The following DDX24 variants were observed in gnomAD, a reference collection of about 807,000 sequenced individuals.
DDX24 encodes the protein ATP-dependent RNA helicase DDX24.
In DDX24, 24 loss-of-function variants were observed where a neutral mutation model predicts 68.9. The ratio of observed to expected loss-of-function variants is 0.35; its 90% CI spans 0.25 to 0.49. The LOEUF is 0.49. Ranked by LOEUF, DDX24 falls within the 20% of genes least tolerant of loss-of-function variation. The probability of loss-of-function intolerance (pLI) is 0.99; values close to 1 mark genes in which losing one functional copy is unlikely to be tolerated. For missense variants in DDX24, 989 were observed against 1,039.0 expected, an observed-to-expected ratio of 0.95 and a Z score of 0.66; for synonymous variants, 395 against 385.2, an observed-to-expected ratio of 1.03 and a Z score of -0.30.
intron 6 of DDX24, chr14:94,056,980 A>T (rs1226438876): frequency 6.6e-6 from 1 of 152,192 alleles, no homozygotes; most frequent in African/African-American, 2.4e-5. Flanking sequence ...AGAGGAATTA[A>T]AGAGGAAAAA....
In DDX24 at chr14:94,079,450, T is replaced by C. The variant is rs749273234; in HGVS notation, c.293A>G (p.Lys98Arg). The C allele has an allele frequency of 8.1e-6, 13 of 1,613,932 alleles. No individual in the cohort carries two copies. Among genetic ancestry groups the C allele is most frequent in the African/African-American group, 2.7e-5 (2 of 74,902 alleles). ...EEGKSSSPKK[K>R]IKLKKSKNVA... is the part of the protein sequence containing the mutation. The stretch of plus-strand genomic sequence containing the variant: ...ATTTTTACTTTTCTTCAACTTGATC[T>C]TTTTCTTTGGTGAGCTAGACTTTCC... Residue 98 changes from lysine to arginine, a missense_variant, in exon 2 of 9, where the codon AAG becomes AGG. Lys to Arg is a conservative substitution (Grantham distance 26). Around this residue, in one of 3 missense-constraint regions of DDX24, gnomAD observed 295 missense variants for 263.0 expected, o/e 1.12. Transcript: ENST00000621632.
intron 2 of DDX24, among the ~76,000 whole-genome samples, chr14:94,073,027 C>T (rs1164817909): frequency 6.6e-6 from 1 of 150,948 alleles, no homozygotes; most frequent in African/African-American, 2.4e-5. Context: ...TAAGTAAACC[C>T]ACCATTATCA....
Position 94,062,332 on chromosome 14 carries a change from A to C in DDX24, c.1008T>G (p.Asp336Glu). The C allele has an allele frequency of 6.2e-7, 1 of 1,614,246 alleles. No homozygotes were observed. Among genetic ancestry groups the C allele is most frequent in the Admixed American group, 1.7e-5 (1 of 60,026 alleles). The change falls in exon 3 of 9, where the codon GAT becomes GAG. Residue 336 changes from aspartate to glutamate, a missense_variant. By Grantham distance (45) the Asp-to-Glu change is conservative. Coordinates refer to ENST00000621632, the MANE Select transcript of DDX24 (RefSeq NM_020414.4). ...SDQALLFGDD[D>E]AGEGPSSLIR... is the part of the protein sequence containing the mutation. ...TCAGGGAAGAAGGCCCTTCACCAGCATCATCGTCACCAAAGAGCAACGCCT... is the reference window on the plus strand; with the variant it reads ...TCAGGGAAGAAGGCCCTTCACCAGCCTCATCGTCACCAAAGAGCAACGCCT...
chr14:94,068,715 A>G (rs1885759643), intron 2 of DDX24, among the ~76,000 whole-genome samples: 1 of 152,238 alleles, frequency 6.6e-6, no homozygotes, highest in African/African-American at 2.4e-5. Context: ...AGGAACCTTC[A>G]AAACCATGCA....
At chr14:94,055,396 C>T in intron 6 of DDX24, 1 of 560,944 alleles carries the variant, frequency 1.8e-6, no homozygotes, top group Non-Finnish European at 3.1e-6. Context: ...CTCTTCCCTC[C>T]CATGCCCCTG....
rs778449209 is a variant in DDX24, at chr14:94,062,548, G to C, written c.792C>G (p.Ala264=). Residue 264 remains alanine, a synonymous_variant, in exon 3 of 9, where the codon GCC becomes GCG. Transcript: ENST00000621632. ...GTGCTTCGGTGTTACTTGGAGGAGG[G>C]GCAGCATTCCTCTTCTGCCACTGCA... ...AVLQWQKRNA[A]PPPSNTEAPP... is the part of the protein sequence containing the mutation. 1 of 1,613,996 alleles carries C rather than the reference G, an allele frequency of 6.2e-7. No homozygotes were observed. Among genetic ancestry groups the C allele is most frequent in the Admixed American group, 1.7e-5 (1 of 59,992 alleles).
rs368030307 is a variant in DDX24, at chr14:94,066,535, A to G, written c.719-3914T>C. 1.1e-3 allele frequency among the ~76,000 whole-genome samples: 164 copies of G among 152,328 alleles called. 3 individuals carry two copies. The South Asian group carries it at 0.016, about 15-fold the overall frequency. On this transcript the variant is annotated intron_variant, in intron 2 of 8. Coordinates refer to ENST00000621632, the MANE Select transcript of DDX24 (RefSeq NM_020414.4). ...CTCCTGGCAGGAGGCCAACTAACAC[A>G]AAAACAGAGCATTAAACTACCAAAG...
At chr14:94,062,752 C>T (rs1186423711) in intron 2 of DDX24, 131 bp from the exon 3 acceptor site, 3 of 1,085,252 alleles carry the variant, frequency 2.8e-6, no homozygotes, top group South Asian at 1.7e-5. Context: ...AAAGCTCCTC[C>T]ACTCTACACA....
In DDX24 at chr14:94,079,038, C is replaced by T; in HGVS notation, c.705G>A (p.Gly235=). The T allele has an allele frequency of 3.7e-6, 6 of 1,613,542 alleles. No individual in the cohort carries two copies. The highest frequency in any genetic ancestry group is 5.1e-6 in the Non-Finnish European group (6 of 1,179,678). The change falls in exon 2 of 9, where the codon GGG becomes GGA. Residue 235 remains glycine (G), a synonymous_variant. Transcript: ENST00000621632. ...PAIRDKLDIL[G]AAETGSGKTL... ...AGTTGCCCTTACCTGTCTCAGCAGC[C>T]CCAAGGATGTCCAGTTTGTCACGGA... is the stretch of plus-strand genomic sequence containing the variant.
At chr14:94,070,388 C>T (rs1395996717) in intron 2 of DDX24, among the ~76,000 whole-genome samples, 1 of 152,134 alleles carries the variant, frequency 6.6e-6, no homozygotes, top group African/African-American at 2.4e-5. Context: ...GAAACACATC[C>T]CACGCTCATG....
Position 94,053,007 on chromosome 14 carries a change from T to A in DDX24, c.2299A>T (p.Met767Leu). 1 of 1,613,798 alleles carries A rather than the reference T, an allele frequency of 6.2e-7. No homozygotes were observed. Among genetic ancestry groups the A allele is most frequent in the South Asian group, 1.1e-5 (1 of 91,028 alleles). Reference sequence around the variant, plus strand: ...CCGCCCAAGGGCTTACCCTTATACATGTCTTCTTCCAGCTCAATCTCCAGG... The same window carrying A: ...CCGCCCAAGGGCTTACCCTTATACAAGTCTTCTTCCAGCTCAATCTCCAGG... ...AALEIELEED[M>L]YKGGKADQQE... The change falls in exon 8 of 9, where the codon ATG (methionine) becomes TTG (leucine). Residue 767 changes from methionine (M) to leucine (L), a missense_variant. Around this residue, in one of 3 missense-constraint regions of DDX24, gnomAD observed 691 missense variants for 760.0 expected, o/e 0.91. Coordinates refer to ENST00000621632, the MANE Select transcript of DDX24 (RefSeq NM_020414.4).
At chr14:94,069,464 C>T (rs991395656) in intron 2 of DDX24, among the ~76,000 whole-genome samples, 21 of 152,180 alleles carry the variant, frequency 1.4e-4, no homozygotes, top group Non-Finnish European at 2.5e-4. Flanking sequence ...CCTTTTGACA[C>T]TATTCTACGA....
In DDX24 at chr14:94,054,977, G is replaced by A; in HGVS notation, c.2178+19C>T. On this transcript the variant is annotated intron_variant, in intron 7 of 8. Transcript: ENST00000621632. ...AGCACAATCCCTTCATTAGCACTGG[G>A]GTTTTAACTGCTTTCTACCTTGACC... 2 of 1,611,962 alleles carry A rather than the reference G, an allele frequency of 1.2e-6. No individual in the cohort carries two copies. The highest frequency in any genetic ancestry group is 1.7e-6 in the Non-Finnish European group (2 of 1,178,556).
Position 94,079,590 on chromosome 14 carries a change from C to G in DDX24, c.153G>C (p.Glu51Asp). ...AGACCAACTGGTAATCTGTCAATTCCTCAAAGCACACCAAGTCATCCATCT... is the reference window on the plus strand; with the variant it reads ...AGACCAACTGGTAATCTGTCAATTCGTCAAAGCACACCAAGTCATCCATCT... ...DGQMDDLVCF[E>D]ELTDYQLVSP... The change falls in exon 2 of 9, where the codon GAG (glutamate) becomes GAC (aspartate). Residue 51 changes from glutamate to aspartate, a missense_variant. Coordinates refer to ENST00000621632, the MANE Select transcript of DDX24 (RefSeq NM_020414.4). 2.5e-6 allele frequency: 4 copies of G among 1,614,128 alleles called. No individual in the cohort carries two copies. The highest frequency in any genetic ancestry group is 3.4e-6 in the Non-Finnish European group (4 of 1,180,024).
chr14:94,057,785 T>G (rs1451768630), intron 6 of DDX24, 37 bp downstream of exon 6: 16 of 1,602,392 alleles, frequency 1.0e-5, no homozygotes, highest in Non-Finnish European at 1.4e-5. Context: ...CCCCATTCAG[T>G]GCAGGCAGAT....
At chr14:94,076,641 A>C (rs1885946189) in intron 2 of DDX24, among the ~76,000 whole-genome samples, 1 of 149,822 alleles carries the variant, frequency 6.7e-6, no homozygotes, top group African/African-American at 2.5e-5. Context: ...AGATTGGGCC[A>C]CTGCACTCCA....
rs1336106585 is a variant in DDX24, at chr14:94,060,917, G to A, written c.1393C>T (p.Leu465Phe). ...KHYHLRNLRQLRCLVVDEADR... is the reference protein window; with the variant it reads ...KHYHLRNLRQFRCLVVDEADR... ...AAGAGAAGTGCCATCTATTACCTGA[G>A]CTGCCGAAGGTTCCTCAAATGATAA... Residue 465 changes from leucine to phenylalanine, a missense_variant, in exon 4 of 9, where the codon CTC (leucine) becomes TTC (phenylalanine). By Grantham distance (22) the Leu-to-Phe change is conservative. This residue lies in a region of DDX24 where 691 missense variants were observed against 760.0 expected (regional missense o/e 0.91). Transcript: ENST00000621632. 6 of 1,613,990 alleles carry A rather than the reference G, an allele frequency of 3.7e-6. No homozygotes were observed. Among genetic ancestry groups the A allele is most frequent in the Non-Finnish European group, 4.2e-6 (5 of 1,180,012 alleles).
At chr14:94,064,945 G>T (rs1338097791) in intron 2 of DDX24, among the ~76,000 whole-genome samples, 1 of 152,148 alleles carries the variant, frequency 6.6e-6, no homozygotes. Context: ...TGTCTGAATT[G>T]AACAGAATTG....
At chr14:94,068,786 T>C (rs140935841) in intron 2 of DDX24, among the ~76,000 whole-genome samples, 5 of 152,162 alleles carry the variant, frequency 3.3e-5, no homozygotes, top group African/African-American at 9.6e-5. Flanking sequence ...CAAAATCAGT[T>C]TGTAAATTTA....
Sources: allele counts gnomAD v4.1 joint callset (sites outside exome capture counted in the v4.1 genomes callset), GRCh38; gene constraint gnomAD v4.1.1; regional missense constraint gnomAD v4.1.1; transcripts MANE v1.5; gene names NCBI Gene and HGNC (gene_info 2026-07-23, HGNC 2026-07-21).